Variants in ARHGAP6 observed in about 807,000 individuals in gnomAD.
The protein encoded by ARHGAP6 is rho GTPase-activating protein 6.
A neutral mutation model predicts 55.7 loss-of-function variants in ARHGAP6; 16 were observed. The observed-to-expected ratio is 0.29, with a 90% CI of 0.19 to 0.44. The LOEUF is 0.44. ARHGAP6 is among the 20% of genes least tolerant of loss of function. ARHGAP6 has a pLI of 1.00. For missense variants in ARHGAP6, 698 were observed against 808.9 expected, an observed-to-expected ratio of 0.86 and a Z score of 1.66; for synonymous variants, 382 against 360.9, an observed-to-expected ratio of 1.06 and a Z score of -0.66.
intron 1 of ARHGAP6, among the ~76,000 whole-genome samples, chrX:11,576,973 A>G (rs1270563754): frequency 9.0e-6 from 1 of 111,350 alleles, no homozygotes. Context: ...GCAGTGTATC[A>G]TCTTCCAATT....
intron 1 of ARHGAP6, among the ~76,000 whole-genome samples, chrX:11,350,718 T>A (rs2048851987): frequency 8.9e-6 from 1 of 112,290 alleles, no homozygotes; most frequent in South Asian, 3.7e-4. Context: ...AAACAAGTTA[T>A]TTTCCCTTTG....
chrX:11,394,594 A>G (rs1338472961), intron 1 of ARHGAP6, among the ~76,000 whole-genome samples: 1 of 112,225 alleles, frequency 8.9e-6, no homozygotes, highest in Non-Finnish European at 1.9e-5. Context: ...ATTACTTGCA[A>G]GTGAAGGATT....
intron 1 of ARHGAP6, among the ~76,000 whole-genome samples, chrX:11,504,834 G>A (rs1274894431): frequency 8.9e-6 from 1 of 112,421 alleles, no homozygotes; most frequent in Non-Finnish European, 1.9e-5. Flanking sequence ...AACAATGCTA[G>A]AAAGATATTT....
In ARHGAP6 at chrX:11,245,192, T is replaced by C. The variant is rs141987033; in HGVS notation, c.748+9356A>G. ...CTGCTCTATCTTTTAATATAATTGATGCATCTGTGTTTTCTCTGTCTATTG... is the reference window on the plus strand; with the variant it reads ...CTGCTCTATCTTTTAATATAATTGACGCATCTGTGTTTTCTCTGTCTATTG... On this transcript the variant is annotated intron_variant, in intron 2 of 12. Coordinates refer to ENST00000337414, the MANE Select transcript of ARHGAP6 (RefSeq NM_013427.3). Among the ~76,000 whole-genome samples, 45 of 112,366 alleles carry C rather than the reference T, an allele frequency of 4.0e-4. 1 individual carries two copies. The highest frequency in any genetic ancestry group is 1.3e-3 in the African/African-American group (39 of 31,000).
chrX:11,473,606 G>T (rs917692767), intron 1 of ARHGAP6, among the ~76,000 whole-genome samples: 1 of 111,480 alleles, frequency 9.0e-6, no homozygotes, highest in Non-Finnish European at 1.9e-5. Context: ...TGGAAACTAG[G>T]AAGAGGCAAG....
chrX:11,657,566 G>A (rs895444108), intron 1 of ARHGAP6, among the ~76,000 whole-genome samples: 4 of 110,664 alleles, frequency 3.6e-5, no homozygotes, highest in Non-Finnish European at 5.7e-5. Context: ...AATGGGAGGT[G>A]ATTTGTTCTG....
intron 3 of ARHGAP6, among the ~76,000 whole-genome samples, chrX:11,190,460 G>GATATAT (rs535056484): frequency 4.0e-3 from 305 of 76,939 alleles, no homozygotes; most frequent in Middle Eastern, 0.014. Context: ...ACCCTGAGGA[G>GATATAT]ATATATATAT....
intron 1 of ARHGAP6, 71 bp from the exon 2 acceptor site, chrX:11,254,778 T>A (rs2047472100): frequency 2.9e-6 from 3 of 1,027,334 alleles, no homozygotes; most frequent in Non-Finnish European, 2.5e-6. Context: ...ACAAATCTCA[T>A]CCTCTCTTAG....
intron 1 of ARHGAP6, among the ~76,000 whole-genome samples, chrX:11,435,228 C>A (rs1390016591): frequency 8.9e-6 from 1 of 111,931 alleles, no homozygotes; most frequent in Non-Finnish European, 1.9e-5. Context: ...GTTAAGAAAC[C>A]CTACTTTATG....
chrX:11,451,945 GA>G (rs753161335), intron 1 of ARHGAP6, among the ~76,000 whole-genome samples: 4 of 111,859 alleles, frequency 3.6e-5, no homozygotes, highest in Non-Finnish European at 7.5e-5. Flanking sequence ...AGGAAAACAA[GA>G]AAAACCACAA....
At chrX:11,200,722 A>C (rs184859571) in intron 2 of ARHGAP6, among the ~76,000 whole-genome samples, 35 of 112,451 alleles carry the variant, frequency 3.1e-4, no homozygotes, top group African/African-American at 1.1e-3. Context: ...TGCCCTGAGG[A>C]CTTGTCAGCA....
At chrX:11,484,283 C>G (rs973435928) in intron 1 of ARHGAP6, among the ~76,000 whole-genome samples, 1 of 106,466 alleles carries the variant, frequency 9.4e-6, no homozygotes, top group Non-Finnish European at 1.9e-5. Context: ...GAGAGGAGGG[C>G]AGGGGAGGGG....
chrX:11,408,492 C>T (rs1382956295), intron 1 of ARHGAP6, among the ~76,000 whole-genome samples: 1 of 111,343 alleles, frequency 9.0e-6, no homozygotes, highest in Non-Finnish European at 1.9e-5. Flanking sequence ...CCACAAGCAG[C>T]TTATAAGCAT....
intron 1 of ARHGAP6, among the ~76,000 whole-genome samples, chrX:11,255,188 T>C (rs1035554295): frequency 9.0e-6 from 1 of 111,602 alleles, no homozygotes; most frequent in Non-Finnish European, 1.9e-5. Flanking sequence ...TGGTGATATT[T>C]CTATACATAT....
chrX:11,380,324 C>A (rs1477087610), intron 1 of ARHGAP6, among the ~76,000 whole-genome samples: 1 of 111,810 alleles, frequency 8.9e-6, no homozygotes, highest in Non-Finnish European at 1.9e-5. Flanking sequence ...CCTAGATTTT[C>A]AGCTGGGTGT....
chrX:11,473,924 T>C (rs764205072), intron 1 of ARHGAP6, among the ~76,000 whole-genome samples: 22 of 111,616 alleles, frequency 2.0e-4, no homozygotes, highest in Non-Finnish European at 1.7e-4. Context: ...TCAGTTGATA[T>C]TGAACACATA....
chrX:11,299,609 C>T (rs997546677), intron 1 of ARHGAP6, among the ~76,000 whole-genome samples: 11 of 112,283 alleles, frequency 9.8e-5, no homozygotes, highest in Non-Finnish European at 3.8e-5. Context: ...TTACAGGTAG[C>T]TCTTACAAAT....
At chrX:11,473,620 G>A (rs947841830) in intron 1 of ARHGAP6, among the ~76,000 whole-genome samples, 3 of 111,465 alleles carry the variant, frequency 2.7e-5, no homozygotes, top group Non-Finnish European at 5.7e-5. Context: ...AGGCAAGGAA[G>A]GAATCTCCCC....
At chrX:11,367,002 A>G (rs961706904) in intron 1 of ARHGAP6, among the ~76,000 whole-genome samples, 1 of 111,877 alleles carries the variant, frequency 8.9e-6, no homozygotes, top group Non-Finnish European at 1.9e-5. Context: ...TATTACTCCC[A>G]GAGGTAGGAG....
Sources: gnomAD v4.1 joint callset for allele counts (sites outside exome capture counted in the v4.1 genomes callset) on GRCh38, gnomAD v4.1.1 for gene constraint, MANE v1.5 for transcripts, NCBI Gene and HGNC (gene_info 2026-07-23, HGNC 2026-07-21) for gene names.